Variants in MYL12A observed in about 807,000 individuals in gnomAD.
The protein encoded by MYL12A is myosin light chain 12A.
A neutral mutation model predicts 13.3 loss-of-function variants in MYL12A; 11 were observed. The ratio of observed to expected loss-of-function variants is 0.83; its 90% CI spans 0.52 to 1.37. MYL12A has a LOEUF of 1.37. MYL12A is among the 40% of genes most tolerant of loss of function. The pLI is 0.00. For synonymous variants in MYL12A, 51 were observed against 69.9 expected (o/e 0.73, Z 1.35); for missense variants, 146 against 212.3 (o/e 0.69, Z 1.94).
Position 3,250,441 on chromosome 18 carries a change from C to T in MYL12A, c.-16+2532C>T, listed in dbSNP as rs970130615. Among the ~76,000 whole-genome samples, 3 of 152,136 alleles carry T rather than the reference C, an allele frequency of 2.0e-5. No individual in the cohort carries two copies. In the South Asian group the frequency reaches 6.2e-4, roughly 32 times the overall value. On this transcript the variant is annotated intron_variant, in intron 1 of 3. Coordinates refer to ENST00000217652, the MANE Select transcript of MYL12A (RefSeq NM_006471.4). ...TCATAGCACTGTTCCTGATTTGACT[C>T]CCTCCACCATTATTTATTCTCCCCA...
chr18:3,253,618 TCG>T, intron 2 of MYL12A, 190 bp downstream of exon 2: 1 of 767,792 alleles, frequency 1.3e-6, no homozygotes, highest in African/African-American at 1.8e-5. Flanking sequence ...GGGTTGGGGT[TCG>T]TGTGTGTGTG....
intron 1 of MYL12A, among the ~76,000 whole-genome samples, chr18:3,250,077 CA>C (rs1483774275): frequency 2.7e-4 from 26 of 94,874 alleles, no homozygotes; most frequent in South Asian, 2.6e-3. Flanking sequence ...AAAGCAATTT[CA>C]GGGGGGAGGG....
intron 1 of MYL12A, chr18:3,249,626 C>T (rs1052770068): frequency 6.6e-6 from 1 of 152,208 alleles, no homozygotes; most frequent in South Asian, 2.1e-4. Flanking sequence ...AATAAAGACT[C>T]GAGCTGGGTG....
Position 3,255,813 on chromosome 18 carries a change from A to G in MYL12A, c.411A>G (p.Glu137=), listed in dbSNP as rs766715707. 3.1e-6 allele frequency: 5 copies of G among 1,614,180 alleles called. No individual in the cohort carries two copies. The highest frequency in any genetic ancestry group is 4.2e-6 in the Non-Finnish European group (5 of 1,180,028). Residue 137 remains glutamate (E), a synonymous_variant, in exon 4 of 4, where the codon GAA becomes GAG. Coordinates refer to ENST00000217652, the MANE Select transcript of MYL12A (RefSeq NM_006471.4). ...TGGGGGATCGGTTTACAGATGAGGA[A>G]GTGGATGAGCTGTACAGAGAAGCAC... ...TTMGDRFTDE[E]VDELYREAPI...
intron 2 of MYL12A, 138 bp from the exon 3 acceptor site, chr18:3,253,751 C>T (rs1433722501): frequency 9.0e-6 from 9 of 996,280 alleles, no homozygotes; most frequent in Non-Finnish European, 1.2e-5. Context: ...AAAACTTTCC[C>T]CCCAAATAGT....
intron 1 of MYL12A, among the ~76,000 whole-genome samples, chr18:3,250,311 A>G (rs1183904492): frequency 1.3e-5 from 2 of 152,256 alleles, no homozygotes; most frequent in East Asian, 3.8e-4. Context: ...GGCTTATTAC[A>G]TGAAGAGTGA....
chr18:3,252,114 G>C (rs535457811), intron 1 of MYL12A: 2 of 466,130 alleles, frequency 4.3e-6, no homozygotes, highest in South Asian at 9.6e-5. Flanking sequence ...GCAGTCCACA[G>C]ACTTATTTTT....
chr18:3,250,315 A>G lies in MYL12A; in HGVS notation c.-16+2406A>G, dbSNP rs2081472483. On this transcript the variant is annotated intron_variant, in intron 1 of 3. Transcript: ENST00000217652. ...CATTTGCTGAAGGCTTATTACATGAAGAGTGACAGTCTAAATTGTTTGAAG... is the reference window on the plus strand; with the variant it reads ...CATTTGCTGAAGGCTTATTACATGAGGAGTGACAGTCTAAATTGTTTGAAG... Among the ~76,000 whole-genome samples, 3 of 152,234 alleles carry G rather than the reference A, an allele frequency of 2.0e-5. No homozygotes were observed. In the South Asian group the frequency reaches 6.2e-4, roughly 31 times the overall value.
intron 1 of MYL12A, among the ~76,000 whole-genome samples, chr18:3,252,019 G>T (rs2081490511): frequency 6.6e-6 from 1 of 152,160 alleles, no homozygotes. Flanking sequence ...AGGAAAGAAT[G>T]TAAGAAATTA....
At chr18:3,247,937 G>A (rs536116724) in intron 1 of MYL12A, 28 bp downstream of exon 1, 2 of 152,392 alleles carry the variant, frequency 1.3e-5, no homozygotes, top group Non-Finnish European at 2.9e-5. Context: ...TCGGGCGCGT[G>A]AGACCCATCC....
Position 3,255,898 on chromosome 18 carries a change from G to A in MYL12A, c.496G>A (p.Ala166Thr), listed in dbSNP as rs1434513454. ...IEFTRILKHG[A>T]KDKDD ...GTTCACACGCATCCTGAAACATGGAGCCAAAGACAAAGATGACTGAAATAA... is the reference window on the plus strand; with the variant it reads ...GTTCACACGCATCCTGAAACATGGAACCAAAGACAAAGATGACTGAAATAA... Residue 166 changes from alanine to threonine, a missense_variant, in exon 4 of 4, where the codon GCC becomes ACC. Coordinates refer to ENST00000217652, the MANE Select transcript of MYL12A (RefSeq NM_006471.4). 6.2e-7 allele frequency: 1 copy of A among 1,613,540 alleles called. No individual in the cohort carries two copies. Among genetic ancestry groups the A allele is most frequent in the African/African-American group, 1.3e-5 (1 of 74,922 alleles).
rs2081511380 is a variant in MYL12A, at chr18:3,253,832, T to C, written c.182-57T>C. 4.7e-6 allele frequency: 7 copies of C among 1,501,194 alleles called. No homozygotes were observed. The East Asian group carries it at 1.6e-4, about 34-fold the overall frequency. The allele number at this position is 1,501,194 out of a possible 1,614,324, so 93.0% of individuals were successfully genotyped here. ...TTGTTACCAAAATGTTTACTGTCAT[T>C]AATAGTTGATATGTATTGTAATGTA... On this transcript the variant is annotated intron_variant, in intron 2 of 3. Transcript: ENST00000217652.
chr18:3,248,346 G>C (rs1156266979), intron 1 of MYL12A: 1 of 152,226 alleles, frequency 6.6e-6, no homozygotes, highest in Non-Finnish European at 1.5e-5. Flanking sequence ...CTTCAGCTCA[G>C]TATCCGCTCC....
rs2081504851 is a variant in MYL12A at position 3,253,276 on chromosome 18, C to T, written c.29C>T (p.Thr10Ile). MSSKRTKTK[T>I]KKRPQRATSN... is the part of the protein sequence containing the mutation. ...TCGAGCAAAAGAACAAAGACCAAGA[C>T]CAAGAAGCGCCCTCAGCGTGCAACA... Residue 10 changes from threonine to isoleucine, a missense_variant, in exon 2 of 4, where the codon ACC becomes ATC. Transcript: ENST00000217652. 1.2e-6 allele frequency: 2 copies of T among 1,613,762 alleles called. No homozygotes were observed.
At position 3,252,322 on chromosome 18, in the gene MYL12A, G is replaced by A; in HGVS notation, c.-15-911G>A. 3 of 1,533,702 alleles carry A rather than the reference G, an allele frequency of 2.0e-6. No individual in the cohort carries two copies. In the South Asian group the frequency reaches 3.6e-5, roughly 18 times the overall value. ...TACCATCTTCCCTGCAACTCTGAAG[G>A]ATGGTATGGTAGAATTTTATTGTCT... On this transcript the variant is annotated intron_variant, in intron 1 of 3. Transcript: ENST00000217652.
Position 3,253,228 on chromosome 18 carries a change from A to T in MYL12A, c.-15-5A>T. ...GGTTTTTATTGTATTTCCTTTCCTA[A>T]TTAGGACTTAACCACCACCATGTCG... On this transcript the variant is annotated splice_polypyrimidine_tract_variant and splice_region_variant and intron_variant, in intron 1 of 3. Transcript: ENST00000217652. 1 of 1,597,450 alleles carries T rather than the reference A, an allele frequency of 6.3e-7. No individual in the cohort carries two copies. The highest frequency in any genetic ancestry group is 8.5e-7 in the Non-Finnish European group (1 of 1,170,824).
intron 2 of MYL12A, 128 bp downstream of exon 2, chr18:3,253,556 A>G: frequency 8.3e-7 from 1 of 1,212,084 alleles, no homozygotes; most frequent in Non-Finnish European, 1.1e-6. Flanking sequence ...TAAAGTGTGG[A>G]ACAGTGTTTC....
chr18:3,251,726 GT>G (rs5822750), intron 1 of MYL12A, among the ~76,000 whole-genome samples: 22,778 of 152,136 alleles, frequency 0.15, 1,806 homozygotes, highest in East Asian at 0.26. Context: ...TTTATGAATA[GT>G]TTTAAGTCAT....
In MYL12A at chr18:3,253,326, C is replaced by T. The variant is rs11539728; in HGVS notation, c.79C>T (p.Gln27Ter). 1 of 1,614,028 alleles carries T rather than the reference C, an allele frequency of 6.2e-7. No homozygotes were observed. Among genetic ancestry groups the T allele is most frequent in the South Asian group, 1.1e-5 (1 of 91,070 alleles). ...ATSNVFAMFDQSQIQEFKEAF... is the reference protein window; with the variant it reads ...ATSNVFAMFD Reference sequence around the variant, plus strand: ...ATCCAATGTGTTTGCTATGTTTGACCAGTCACAGATTCAGGAGTTCAAAGA... The same window carrying T: ...ATCCAATGTGTTTGCTATGTTTGACTAGTCACAGATTCAGGAGTTCAAAGA... Residue 27 changes from glutamine (Q) to a stop codon, truncating the protein, a stop_gained, in exon 2 of 4, where the codon CAG becomes TAG. Transcript: ENST00000217652. LOFTEE classifies it high-confidence loss of function.
Sources: allele counts gnomAD v4.1 joint callset (sites outside exome capture counted in the v4.1 genomes callset), GRCh38; gene constraint gnomAD v4.1.1; transcripts MANE v1.5; gene names NCBI Gene and HGNC (gene_info 2026-07-23, HGNC 2026-07-21).